CCDC93: variants seen among roughly 807,000 people sequenced by gnomAD.
CCDC93 encodes the protein CCC complex scaffolding subunit CCDC93.
In CCDC93, 61 loss-of-function variants were observed where a neutral mutation model predicts 108.2. That is an observed-to-expected ratio of 0.56 (90% confidence interval 0.46 to 0.70). CCDC93 has a LOEUF of 0.70. CCDC93 is among the 30% of genes least tolerant of loss of function. CCDC93 has a pLI of 0.00. For synonymous variants in CCDC93, 276 were observed against 260.4 expected (o/e 1.06, Z -0.58); for missense variants, 685 against 764.2 (o/e 0.90, Z 1.22).
At position 117,975,230 on chromosome 2, in the gene CCDC93, T is replaced by C. The variant is rs1679900678; in HGVS notation, c.708A>G (p.Lys236=). 1.9e-6 allele frequency: 3 copies of C among 1,613,662 alleles called. No individual in the cohort carries two copies. In the African/African-American group the frequency reaches 4.0e-5, roughly 22 times the overall value. The part of the protein sequence containing the change: ...ALPAGLSATE[K]ADAHEEDELR... ...GCTCATCTTCCTCGTGGGCATCAGC[T>C]TTTTCTGTAGCTGACAGCCCTGCTG... Residue 236 remains lysine, a synonymous_variant, in exon 9 of 24, where the codon AAA becomes AAG. Transcript: ENST00000376300.
chr2:117,984,003 T>C (rs570412891), intron 7 of CCDC93, among the ~76,000 whole-genome samples: 51 of 152,252 alleles, frequency 3.3e-4, no homozygotes, highest in South Asian at 1.5e-3. Context: ...GGTATCTTAG[T>C]TGAAGTGCCA....
intron 17 of CCDC93, chr2:117,944,929 C>T (rs555197033): frequency 2.5e-6 from 1 of 406,842 alleles, no homozygotes; most frequent in South Asian, 1.8e-5. Context: ...ATGCGGAGAG[C>T]ACTGGTTTAA....
chr2:117,949,869 C>T (rs1678998593), intron 13 of CCDC93: 27 of 985,208 alleles, frequency 2.7e-5, no homozygotes, highest in Non-Finnish European at 3.3e-5. Flanking sequence ...GGTTAACAGA[C>T]AGGAATGGCC....
At chr2:117,970,838 G>C (rs914012281) in intron 11 of CCDC93, among the ~76,000 whole-genome samples, 2 of 151,948 alleles carry the variant, frequency 1.3e-5, no homozygotes, top group Non-Finnish European at 2.9e-5. Flanking sequence ...AAATATTGGG[G>C]GCATATGCTG....
chr2:117,976,275 A>AC (rs1679941895), intron 8 of CCDC93, among the ~76,000 whole-genome samples: 1 of 152,146 alleles, frequency 6.6e-6, no homozygotes, highest in African/African-American at 2.4e-5. Flanking sequence ...ACATCTCATG[A>AC]TTTTTCCAAT....
intron 1 of CCDC93, among the ~76,000 whole-genome samples, chr2:118,011,915 C>T (rs1390836919): frequency 6.6e-6 from 1 of 152,222 alleles, no homozygotes; most frequent in Non-Finnish European, 1.5e-5. Context: ...GTCTGATCTG[C>T]TGGGAATGAA....
Position 117,949,367 on chromosome 2 carries a change from T to C in CCDC93, c.1097A>G (p.Lys366Arg). 2 of 1,613,884 alleles carry C rather than the reference T, an allele frequency of 1.2e-6. No homozygotes were observed. Among genetic ancestry groups the C allele is most frequent in the Non-Finnish European group, 1.7e-6 (2 of 1,179,734 alleles). Residue 366 changes from lysine to arginine, a missense_variant, in exon 14 of 24, where the codon AAA becomes AGA. Lys to Arg is a conservative substitution (Grantham distance 26). Coordinates refer to ENST00000376300, the MANE Select transcript of CCDC93 (RefSeq NM_019044.5). ...ELKTYSEKLD[K>R]EQAALEKIES... is the part of the protein sequence containing the mutation. The stretch of plus-strand genomic sequence containing the variant: ...TATCTTCTCGAGGGCTGCTTGCTCT[T>C]TGTCCAGTTTCTCACTGTAAGTCTT...
chr2:118,008,393 T>G, intron 2 of CCDC93, 152 bp downstream of exon 2: 1 of 577,152 alleles, frequency 1.7e-6, no homozygotes, highest in African/African-American at 1.9e-5. Flanking sequence ...GAAAAGAAGT[T>G]TGAACACTTC....
chr2:117,963,792 A>G (rs756860860), intron 11 of CCDC93, among the ~76,000 whole-genome samples: 4 of 152,194 alleles, frequency 2.6e-5, no homozygotes, highest in Non-Finnish European at 4.4e-5. Context: ...CTTTTCTGAA[A>G]TTCAACAGTT....
At chr2:117,975,829 A>G (rs1679927575) in intron 8 of CCDC93, among the ~76,000 whole-genome samples, 1 of 152,164 alleles carries the variant, frequency 6.6e-6, no homozygotes, top group African/African-American at 2.4e-5. Context: ...AGTAATCAAA[A>G]CAGTTTGAAT....
chr2:117,949,951 A>C lies in CCDC93; in HGVS notation c.1069-556T>G, dbSNP rs1679001226. ...TGCAGTGTTGGGGATCTGCATTAGG[A>C]ATAGCCACATAGGCTAGGCAATGAA... On this transcript the variant is annotated intron_variant, in intron 13 of 23. Coordinates refer to ENST00000376300, the MANE Select transcript of CCDC93 (RefSeq NM_019044.5). 4 of 985,338 alleles carry C rather than the reference A, an allele frequency of 4.1e-6. No homozygotes were observed. In the South Asian group the frequency reaches 1.4e-4, roughly 35 times the overall value. 61.0% of individuals were successfully genotyped at this position (985,338 alleles called of 1,614,324 possible).
intron 22 of CCDC93, chr2:117,934,905 T>C (rs1157709121): frequency 6.6e-6 from 1 of 152,266 alleles, no homozygotes; most frequent in Non-Finnish European, 1.5e-5. Flanking sequence ...AAACTGCAGC[T>C]GTCTCTGTAG....
intron 3 of CCDC93, among the ~76,000 whole-genome samples, chr2:118,003,819 T>C (rs1281266435): frequency 6.6e-6 from 1 of 152,114 alleles, no homozygotes; most frequent in Non-Finnish European, 1.5e-5. Context: ...TGGAGGAAAA[T>C]GCAGGCAGGC....
At chr2:117,943,900 G>A in intron 18 of CCDC93, 124 bp downstream of exon 18, 2 of 589,270 alleles carry the variant, frequency 3.4e-6, no homozygotes, top group Non-Finnish European at 5.8e-6. Flanking sequence ...AAGAAGACTG[G>A]GGAACAGCAG....
rs943447282 is a variant in CCDC93 at position 117,917,981 on chromosome 2, G to A, written c.*2362C>T. 1 of 152,208 alleles carries A rather than the reference G, an allele frequency of 6.6e-6. No homozygotes were observed. Among genetic ancestry groups the A allele is most frequent in the African/African-American group, 2.4e-5 (1 of 41,430 alleles). The allele number at this position is 152,208 out of a possible 1,614,324, so 9.4% of individuals were successfully genotyped here. A position where few individuals can be genotyped will look rare whatever the true frequency, so the allele number is the denominator to read the frequency against. On this transcript the variant is annotated 3_prime_UTR_variant, in exon 24 of 24. Coordinates refer to ENST00000376300, the MANE Select transcript of CCDC93 (RefSeq NM_019044.5). ...TATTTTGAAAAAGTAACTTAAGGAT[G>A]TTCTTGCTTCCTTTTAACTCCGGAG... is the stretch of plus-strand genomic sequence containing the variant.
chr2:117,981,252 G>A (rs1231578258), intron 7 of CCDC93, among the ~76,000 whole-genome samples: 1 of 152,100 alleles, frequency 6.6e-6, no homozygotes, highest in African/African-American at 2.4e-5. Context: ...TCAGTGCCTG[G>A]CACATAGTAG....
chr2:117,939,059 CAGGG>C lies in CCDC93; in HGVS notation c.1571_1574del (p.Thr524ArgfsTer15). On this transcript the variant is annotated frameshift_variant, in exon 20 of 24. Transcript: ENST00000376300. LOFTEE classifies it high-confidence loss of function. Reference sequence around the variant, plus strand: ...TTTCCAAATAAACCTTTTTATCATCCAGGGTATTATATAAAGTGAAGAACTGCTT... The same window carrying C: ...TTTCCAAATAAACCTTTTTATCATCCTATTATATAAAGTGAAGAACTGCTT... 1 of 1,603,436 alleles carries C rather than the reference CAGGG, an allele frequency of 6.2e-7. No homozygotes were observed. Among genetic ancestry groups the C allele is most frequent in the African/African-American group, 1.3e-5 (1 of 74,750 alleles).
rs146068595 is a variant in CCDC93, at chr2:117,983,788, G to A, written c.620+2181C>T. Among the ~76,000 whole-genome samples, 28 of 152,148 alleles carry A rather than the reference G, an allele frequency of 1.8e-4. 1 individual carries two copies. The highest frequency in any genetic ancestry group is 1.2e-3 in the Admixed American group (18 of 15,272). On this transcript the variant is annotated intron_variant, in intron 7 of 23. Coordinates refer to ENST00000376300, the MANE Select transcript of CCDC93 (RefSeq NM_019044.5). Reference sequence around the variant, plus strand: ...GGAAGGGAGAAGCCTTCCCAGGGAGGTGGAATAGAACACACACTTGTTGGG... The same window carrying A: ...GGAAGGGAGAAGCCTTCCCAGGGAGATGGAATAGAACACACACTTGTTGGG...
At chr2:117,978,150 C>G in intron 7 of CCDC93, 120 bp from the exon 8 acceptor site, 1 of 887,128 alleles carries the variant, frequency 1.1e-6, no homozygotes, top group Admixed American at 2.0e-5. Flanking sequence ...CATTTGGTGA[C>G]TTGAGAAAAC....
Sources: gnomAD v4.1 joint callset for allele counts (sites outside exome capture counted in the v4.1 genomes callset) on GRCh38, gnomAD v4.1.1 for gene constraint, MANE v1.5 for transcripts, NCBI Gene and HGNC (gene_info 2026-07-23, HGNC 2026-07-21) for gene names.